SH3RF3: variants seen among roughly 807,000 people sequenced by gnomAD.
The protein encoded by SH3RF3 is SH3 domain containing ring finger 3.
SH3RF3 carries 29 observed loss-of-function variants against 66.3 expected under a neutral mutation model. The ratio of observed to expected loss-of-function variants is 0.44; its 90% CI spans 0.33 to 0.60. SH3RF3 has a LOEUF of 0.60. SH3RF3 is among the 20% of genes least tolerant of loss of function. The pLI is 0.04. For synonymous variants in SH3RF3, 583 were observed against 532.0 expected (o/e 1.10, Z -1.32); for missense variants, 1,194 against 1,190.9 (o/e 1.00, Z -0.04).
At chr2:109,231,961 T>TA (rs1333880550) in intron 1 of SH3RF3, among the ~76,000 whole-genome samples, 2 of 152,266 alleles carry the variant, frequency 1.3e-5, no homozygotes, top group East Asian at 3.8e-4. Context: ...ATCACCACAA[T>TA]ACATTGTAGA....
chr2:109,129,567 C>T lies in SH3RF3; in HGVS notation c.27C>T (p.Cys9=). ...TGCTGCTCGGAGCGTCCTGGCTGTG[C>T]GCATCCAAGGCGGCCGCCGCTGCTG... MLLGASWL[C]ASKAAAAAAQ... Residue 9 remains cysteine (C), a synonymous_variant, in exon 1 of 10, where the codon TGC becomes TGT. Coordinates refer to ENST00000309415, the MANE Select transcript of SH3RF3 (RefSeq NM_001099289.3). 2 of 1,489,098 alleles carry T rather than the reference C, an allele frequency of 1.3e-6. No homozygotes were observed. The highest frequency in any genetic ancestry group is 1.3e-5 in the South Asian group (1 of 78,902). The allele number at this position is 1,489,098 out of a possible 1,614,324, so 92.2% of individuals were successfully genotyped here.
At chr2:109,403,357 G>A (rs1315789969) in intron 4 of SH3RF3, among the ~76,000 whole-genome samples, 3 of 152,124 alleles carry the variant, frequency 2.0e-5, no homozygotes, top group African/African-American at 4.8e-5. Flanking sequence ...CAGCTTCCCC[G>A]ACTGTGTGGC....
chr2:109,312,000 G>A (rs1002514674), intron 1 of SH3RF3, among the ~76,000 whole-genome samples: 1 of 151,092 alleles, frequency 6.6e-6, no homozygotes, highest in Admixed American at 6.6e-5. Context: ...GCTGCTGCTG[G>A]TGCTGTCCAG....
At chr2:109,446,596 C>T (rs1264054199) in intron 7 of SH3RF3, among the ~76,000 whole-genome samples, 3 of 152,088 alleles carry the variant, frequency 2.0e-5, no homozygotes, top group Non-Finnish European at 4.4e-5. Flanking sequence ...TCCAGGCACC[C>T]GAGGGTCCCA....
chr2:109,195,847 T>C (rs1678486662), intron 1 of SH3RF3, among the ~76,000 whole-genome samples: 1 of 152,200 alleles, frequency 6.6e-6, no homozygotes, highest in African/African-American at 2.4e-5. Flanking sequence ...GATCCCGGCA[T>C]GGAGTCTGGC....
intron 3 of SH3RF3, among the ~76,000 whole-genome samples, chr2:109,388,836 A>AGAG (rs10654191): frequency 0.52 from 78,931 of 151,608 alleles, 20,988 homozygotes; most frequent in South Asian, 0.61. Flanking sequence ...GAGAGAGACT[A>AGAG]GAGAGAAGGG....
chr2:109,268,775 G>A (rs1280700270), intron 1 of SH3RF3, among the ~76,000 whole-genome samples: 2 of 151,688 alleles, frequency 1.3e-5, no homozygotes, highest in Non-Finnish European at 2.9e-5. Flanking sequence ...TGATGATGTC[G>A]CCTACTATAG....
intron 8 of SH3RF3, among the ~76,000 whole-genome samples, chr2:109,473,003 T>G (rs112712336): frequency 2.0e-5 from 3 of 152,302 alleles, no homozygotes; most frequent in African/African-American, 4.8e-5. Context: ...TTTCCTACCT[T>G]AGTGAAAAGA....
chr2:109,200,320 G>A (rs954866485), intron 1 of SH3RF3, among the ~76,000 whole-genome samples: 1 of 152,144 alleles, frequency 6.6e-6, no homozygotes, highest in Admixed American at 6.5e-5. Flanking sequence ...AGACCCTGCC[G>A]CAGAACTCAC....
chr2:109,216,436 C>G (rs545877619), intron 1 of SH3RF3, among the ~76,000 whole-genome samples: 2 of 152,324 alleles, frequency 1.3e-5, no homozygotes, highest in African/African-American at 4.8e-5. Context: ...GAACCTGAGT[C>G]CAGGGGAGTT....
intron 1 of SH3RF3, among the ~76,000 whole-genome samples, chr2:109,204,800 G>A (rs898199188): frequency 1.1e-4 from 16 of 152,194 alleles, no homozygotes; most frequent in Non-Finnish European, 2.4e-4. Context: ...ATTTCTTGAT[G>A]GTGCCATTGA....
chr2:109,161,593 G>C (rs1045738310), intron 1 of SH3RF3, among the ~76,000 whole-genome samples: 1 of 151,798 alleles, frequency 6.6e-6, no homozygotes, highest in African/African-American at 2.4e-5. Flanking sequence ...GTTTATTTGG[G>C]TCACAATTCT....
chr2:109,424,910 G>T (rs1676988835), intron 5 of SH3RF3, among the ~76,000 whole-genome samples: 1 of 152,204 alleles, frequency 6.6e-6, no homozygotes, highest in South Asian at 2.1e-4. Context: ...AGTTAGAAAT[G>T]ATTAAGCTTG....
chr2:109,362,464 G>A (rs1010119273), intron 2 of SH3RF3, among the ~76,000 whole-genome samples: 1 of 152,156 alleles, frequency 6.6e-6, no homozygotes, highest in African/African-American at 2.4e-5. Flanking sequence ...ATTTGTTAAG[G>A]TGTGTTTTGC....
Position 109,268,572 on chromosome 2 carries a change from G to C in SH3RF3, c.574-79102G>C, listed in dbSNP as rs149410235. Among the ~76,000 whole-genome samples the C allele has an allele frequency of 7.9e-5, 12 of 151,904 alleles. 1 individual carries two copies. The highest frequency in any genetic ancestry group is 4.2e-4 in the South Asian group (2 of 4,778). On this transcript the variant is annotated intron_variant, in intron 1 of 9. Coordinates refer to ENST00000309415, the MANE Select transcript of SH3RF3 (RefSeq NM_001099289.3). ...TCTCCCTCCCCAACAGGGCTTGACT[G>C]GGCCTCGCTCCAGGGAGAGGTCCCC...
chr2:109,204,561 G>T (rs1253633369), intron 1 of SH3RF3, among the ~76,000 whole-genome samples: 1 of 152,092 alleles, frequency 6.6e-6, no homozygotes, highest in Non-Finnish European at 1.5e-5. Flanking sequence ...CACATAAATG[G>T]GTGTGTTCAG....
Position 109,474,985 on chromosome 2 carries a change from G to T in SH3RF3, c.2149-15620G>T, listed in dbSNP as rs1423012131. On this transcript the variant is annotated intron_variant, in intron 8 of 9. Transcript: ENST00000309415. Reference sequence around the variant, plus strand: ...TTGGGTTTTTTTTGTTTGTTTGTTTGTTTGTTTTTTTGAGACGGAGTCTCG... The same window carrying T: ...TTGGGTTTTTTTTGTTTGTTTGTTTTTTTGTTTTTTTGAGACGGAGTCTCG... Among the ~76,000 whole-genome samples the T allele has an allele frequency of 4.6e-5, 7 of 151,708 alleles. No homozygotes were observed. The South Asian group carries it at 8.3e-4, about 18-fold the overall frequency.
intron 3 of SH3RF3, among the ~76,000 whole-genome samples, chr2:109,382,751 G>A (rs1235333239): frequency 2.0e-5 from 3 of 152,208 alleles, no homozygotes; most frequent in Admixed American, 1.3e-4. Context: ...GCCCCATCCA[G>A]GGCCCGCAGC....
intron 1 of SH3RF3, among the ~76,000 whole-genome samples, chr2:109,179,472 T>A (rs1161387910): frequency 6.6e-6 from 1 of 152,168 alleles, no homozygotes. Flanking sequence ...TCTTTGTGTG[T>A]TTTCTGTTGC....
Sources: allele counts gnomAD v4.1 joint callset (sites outside exome capture counted in the v4.1 genomes callset), GRCh38; gene constraint gnomAD v4.1.1; transcripts MANE v1.5; gene names NCBI Gene and HGNC (gene_info 2026-07-23, HGNC 2026-07-21).